Variants in KRT1 observed in about 807,000 individuals in gnomAD.
KRT1 encodes keratin 1.
In KRT1, 28 loss-of-function variants were observed where a neutral mutation model predicts 51.6. The ratio of observed to expected loss-of-function variants is 0.54; its 90% CI spans 0.40 to 0.74. KRT1 has a LOEUF of 0.74. Among genes scored for constraint, KRT1 ranks in the 30% least tolerant of loss-of-function variants. The pLI is 0.00. For synonymous variants in KRT1, 301 were observed against 307.7 expected, an observed-to-expected ratio of 0.98 and a Z score of 0.23; for missense variants, 783 against 815.5, an observed-to-expected ratio of 0.96 and a Z score of 0.49.
rs112275575 is a variant in KRT1, at chr12:52,674,972, A to G, written c.*221T>C. The G allele has an allele frequency of 1.4e-6, 1 of 691,850 alleles. No homozygotes were observed. The allele number at this position is 691,850 out of a possible 1,614,324, so 42.9% of individuals were successfully genotyped here. On this transcript the variant is annotated 3_prime_UTR_variant, in exon 9 of 9. Transcript: ENST00000252244. ...TGCTGAACTGTTTCTCAGGGAAAGA[A>G]CAAAGCAGGGTCATAGCCAGGGGAC... is the stretch of plus-strand genomic sequence containing the variant.
In KRT1 at chr12:52,677,735, C is replaced by T; in HGVS notation, c.878G>A (p.Gly293Asp). Residue 293 changes from glycine to aspartate, a missense_variant, in exon 4 of 9, where the codon GGT (glycine) becomes GAT (aspartate). By Grantham distance (94) the Gly-to-Asp change is moderately conservative. Transcript: ENST00000252244. ...AAGGTCCACCTTGGTCATATAAGCA[C>T]CATCCACATCCTAGAGGAACAAGGG... ...EFVTIKKDVDGAYMTKVDLQA... is the reference protein window; with the variant it reads ...EFVTIKKDVDDAYMTKVDLQA... 6.2e-7 allele frequency: 1 copy of T among 1,613,982 alleles called. No individual in the cohort carries two copies. The highest frequency in any genetic ancestry group is 8.5e-7 in the Non-Finnish European group (1 of 1,179,906).
Position 52,679,749 on chromosome 12 carries a change from G to A in KRT1, c.591+9C>T. The A allele has an allele frequency of 6.2e-7, 1 of 1,613,228 alleles. No individual in the cohort carries two copies. Among genetic ancestry groups the A allele is most frequent in the Non-Finnish European group, 8.5e-7 (1 of 1,179,174 alleles). On this transcript the variant is annotated intron_variant, in intron 1 of 8. Transcript: ENST00000252244. ...GCAGCCCTACCAGTGCAATGAGAGAGAAACTCACCTTGTCAATGAAGGAGG... is the reference window on the plus strand; with the variant it reads ...GCAGCCCTACCAGTGCAATGAGAGAAAAACTCACCTTGTCAATGAAGGAGG...
chr12:52,680,135 C>T lies in KRT1; in HGVS notation c.214G>A (p.Gly72Ser). The change falls in exon 1 of 9, where the codon GGC becomes AGC. Residue 72 changes from glycine (G) to serine (S), a missense_variant. Gly to Ser is a moderately conservative substitution (Grantham distance 56, BLOSUM62 0). Coordinates refer to ENST00000252244, the MANE Select transcript of KRT1 (RefSeq NM_006121.4). ...FGSRSLVNLG[G>S]SKSISISVAR... ...ACACTTATGGAGATGCTTTTACTGC[C>T]ACCAAGGTTAACAAGACTCCGACTT... The T allele has an allele frequency of 6.3e-7, 1 of 1,583,366 alleles. No individual in the cohort carries two copies. Among genetic ancestry groups the T allele is most frequent in the Non-Finnish European group, 8.6e-7 (1 of 1,164,604 alleles).
At position 52,677,674 on chromosome 12, in the gene KRT1, A is replaced by G. The variant is rs1592265506; in HGVS notation, c.939T>C (p.Asp313=). 2.5e-6 allele frequency: 4 copies of G among 1,614,220 alleles called. No homozygotes were observed. In the East Asian group the frequency reaches 8.9e-5, roughly 36 times the overall value. ...CTGCTTGGTAGAGTGCTGTAAGGAA[A>G]TCAATTTCCTGCTGCAAGTTGTCAA... The part of the protein sequence containing the change: ...AKLDNLQQEI[D]FLTALYQAEL... Residue 313 remains aspartate (D), a synonymous_variant, in exon 4 of 9, where the codon GAT becomes GAC. Coordinates refer to ENST00000252244, the MANE Select transcript of KRT1 (RefSeq NM_006121.4).
chr12:52,678,420 A>G, intron 2 of KRT1, 122 bp downstream of exon 2: 1 of 1,128,718 alleles, frequency 8.9e-7, no homozygotes, highest in Non-Finnish European at 1.3e-6. Context: ...TGAAAATGTC[A>G]AACTGATGTG....
At position 52,680,287 on chromosome 12, in the gene KRT1, G is replaced by A; in HGVS notation, c.62C>T (p.Ser21Phe). 6.2e-7 allele frequency: 1 copy of A among 1,614,218 alleles called. No homozygotes were observed. Among genetic ancestry groups the A allele is most frequent in the Non-Finnish European group, 8.5e-7 (1 of 1,180,024 alleles). ...YRSGGGFSSG[S>F]AGIINYQRRT... ...GCGCTGGTAGTTGATGATCCCAGCAGAGCCAGAGCTGAAGCCCCCTCCACT... is the reference window on the plus strand; with the variant it reads ...GCGCTGGTAGTTGATGATCCCAGCAAAGCCAGAGCTGAAGCCCCCTCCACT... The change falls in exon 1 of 9, where the codon TCT (serine) becomes TTT (phenylalanine). Residue 21 changes from serine (S) to phenylalanine (F), a missense_variant. By Grantham distance (155) the Ser-to-Phe change is radical. Transcript: ENST00000252244.
chr12:52,678,139 T>C, intron 3 of KRT1, 24 bp downstream of exon 3: 1 of 1,611,696 alleles, frequency 6.2e-7, no homozygotes, highest in Non-Finnish European at 8.5e-7. Context: ...CAAATGTGAG[T>C]TCCGTCCTAC....
Position 52,674,841 on chromosome 12 carries a change from A to G in KRT1, c.*352T>C, listed in dbSNP as rs556078160. 1.9e-5 allele frequency: 8 copies of G among 425,404 alleles called. No individual in the cohort carries two copies. Among genetic ancestry groups the G allele is most frequent in the Non-Finnish European group, 3.5e-5 (8 of 230,732 alleles). 26.4% of individuals were successfully genotyped at this position (425,404 alleles called of 1,614,324 possible). On this transcript the variant is annotated 3_prime_UTR_variant, in exon 9 of 9. Coordinates refer to ENST00000252244, the MANE Select transcript of KRT1 (RefSeq NM_006121.4). Reference sequence around the variant, plus strand: ...TACACCTTATGTACAAAACCAAAACAGCACAGAGATAAGATGCTAAGGAGC... The same window carrying G: ...TACACCTTATGTACAAAACCAAAACGGCACAGAGATAAGATGCTAAGGAGC...
Position 52,676,288 on chromosome 12 carries a change from C to A in KRT1, c.1462G>T (p.Gly488Ter). The A allele has an allele frequency of 6.2e-7, 1 of 1,614,076 alleles. No homozygotes were observed. Among genetic ancestry groups the A allele is most frequent in the Non-Finnish European group, 8.5e-7 (1 of 1,179,962 alleles). ...EIATYRTLLE[G>*]EESRMSGECA... The stretch of plus-strand genomic sequence containing the variant: ...TCCCTTCCTCACCTGCTTTCTTCTC[C>A]CTCCAGGAGGGTCCTGTAGGTGGCA... The change falls in exon 7 of 9, where the codon GGA becomes TGA. Residue 488 changes from glycine to a stop codon, truncating the protein, a stop_gained. Coordinates refer to ENST00000252244, the MANE Select transcript of KRT1 (RefSeq NM_006121.4). LOFTEE classifies it low-confidence loss of function (END_TRUNC).
At chr12:52,679,624 G>C in intron 1 of KRT1, 134 bp downstream of exon 1, 2 of 819,354 alleles carry the variant, frequency 2.4e-6, no homozygotes, top group Non-Finnish European at 2.1e-6. Flanking sequence ...ATATCTCCTA[G>C]GAGACCATTC....
chr12:52,679,761 G>A lies in KRT1; in HGVS notation c.588C>T (p.Asp196=), dbSNP rs370368914. The change falls in exon 1 of 9, where the codon GAC becomes GAT. Residue 196 remains aspartate (D), a synonymous_variant. Transcript: ENST00000252244. ...SLNNQFASFI[D]KVRFLEQQNQ... ...GTGCAATGAGAGAGAAACTCACCTT[G>A]TCAATGAAGGAGGCAAATTGGTTGT... The A allele has an allele frequency of 1.9e-6, 3 of 1,613,826 alleles. No homozygotes were observed. The highest frequency in any genetic ancestry group is 2.5e-6 in the Non-Finnish European group (3 of 1,179,818).
At position 52,678,159 on chromosome 12, in the gene KRT1, T is replaced by G; in HGVS notation, c.867+4A>C. ...GTGAGTTCCGTCCTACAGAATTTGC[T>G]TACCTTCTTGATGGTCACAAATTCA... On this transcript the variant is annotated splice_donor_region_variant and intron_variant, in intron 3 of 8. Coordinates refer to ENST00000252244, the MANE Select transcript of KRT1 (RefSeq NM_006121.4). 1 of 1,613,970 alleles carries G rather than the reference T, an allele frequency of 6.2e-7. No individual in the cohort carries two copies. The highest frequency in any genetic ancestry group is 8.5e-7 in the Non-Finnish European group (1 of 1,179,844).
intron 2 of KRT1, 103 bp from the exon 3 acceptor site, chr12:52,678,326 G>T: frequency 8.2e-7 from 1 of 1,219,410 alleles, no homozygotes. Flanking sequence ...TTTCTATTAT[G>T]AACCTAGGAC....
chr12:52,680,037 A>C lies in KRT1; in HGVS notation c.312T>G (p.Phe104Leu). ...YGGGGFGGGGFGGGGFGGGGI... is the reference protein window; with the variant it reads ...YGGGGFGGGGLGGGGFGGGGI... ...CACCTCCACCAAAGCCACCACCACC[A>C]AAGCCACCACCACCAAAGCCACCAC... Residue 104 changes from phenylalanine (F) to leucine (L), a missense_variant, in exon 1 of 9, where the codon TTT (phenylalanine) becomes TTG (leucine). By Grantham distance (22) the Phe-to-Leu change is conservative. Transcript: ENST00000252244. 6.4e-7 allele frequency: 1 copy of C among 1,557,328 alleles called. No homozygotes were observed. Among genetic ancestry groups the C allele is most frequent in the Non-Finnish European group, 8.7e-7 (1 of 1,150,354 alleles).
At chr12:52,677,790 AG>A in intron 3 of KRT1, 45 bp from the exon 4 acceptor site, 1 of 1,531,846 alleles carries the variant, frequency 6.5e-7, no homozygotes, top group South Asian at 1.1e-5. Context: ...TCTCCAGGGC[AG>A]GTCCCTCTCA....
rs1941481186 is a variant in KRT1, at chr12:52,675,235, G to A, written c.1893C>T (p.Ser631=). 3 of 1,613,884 alleles carry A rather than the reference G, an allele frequency of 1.9e-6. No individual in the cohort carries two copies. The South Asian group carries it at 3.3e-5, about 18-fold the overall frequency. The change falls in exon 9 of 9, where the codon AGC becomes AGT. Residue 631 remains serine (S), a synonymous_variant. Coordinates refer to ENST00000252244, the MANE Select transcript of KRT1 (RefSeq NM_006121.4). ...GGVKSSGGSS[S]VKFVSTTYSG... is the part of the protein sequence containing the mutation. ...AATAAGTGGTAGAAACAAACTTCAC[G>A]CTGGAACTGCCACCAGAGGACTTGA...
At position 52,679,978 on chromosome 12, in the gene KRT1, C is replaced by T. The variant is rs545263441; in HGVS notation, c.371G>A (p.Ser124Asn). The change falls in exon 1 of 9, where the codon AGT becomes AAT. Residue 124 changes from serine (S) to asparagine (N), a missense_variant. Transcript: ENST00000252244. ...ACCTCCACCAAAACCACCACCACCA[C>T]TGCCAAAACCACCAAAGCCACCACC... is the stretch of plus-strand genomic sequence containing the variant. ...IGGGGFGGFG[S>N]GGGGFGGGGF... 2.5e-6 allele frequency: 4 copies of T among 1,607,578 alleles called. No homozygotes were observed. Among genetic ancestry groups the T allele is most frequent in the South Asian group, 1.1e-5 (1 of 90,532 alleles).
At chr12:52,678,364 A>G (rs1941540704) in intron 2 of KRT1, 141 bp from the exon 3 acceptor site, 2 of 1,051,420 alleles carry the variant, frequency 1.9e-6, no homozygotes, top group Admixed American at 1.9e-5. Flanking sequence ...CTACTGAGCA[A>G]TAAAACCACT....
Position 52,675,150 on chromosome 12 carries a change from A to G in KRT1, c.*43T>C. On this transcript the variant is annotated 3_prime_UTR_variant, in exon 9 of 9. Transcript: ENST00000252244. ...GTCTTGCCAAGCATATTTGTTAGTG[A>G]TGCTGGGGGAGAACTAGAGCTAATG... is the stretch of plus-strand genomic sequence containing the variant. 6.2e-7 allele frequency: 1 copy of G among 1,610,252 alleles called. No individual in the cohort carries two copies.
Sources: gnomAD v4.1 joint callset for allele counts on GRCh38, gnomAD v4.1.1 for gene constraint, MANE v1.5 for transcripts, NCBI Gene and HGNC (gene_info 2026-07-23, HGNC 2026-07-21) for gene names.